The following MTAP variants were observed in gnomAD, a reference collection of about 807,000 sequenced individuals.
MTAP encodes the protein methylthioadenosine phosphorylase.
A neutral mutation model predicts 33.6 loss-of-function variants in MTAP; 33 were observed. That is an observed-to-expected ratio of 0.98 (90% CI 0.74 to 1.31). The LOEUF (loss-of-function observed/expected upper bound fraction) is 1.31, where lower values mean the gene tolerates loss of function less well. Among genes scored for constraint, MTAP ranks in the 40% most tolerant of loss-of-function variants. The pLI is 0.00. For synonymous variants in MTAP, 148 were observed against 125.7 expected (o/e 1.18, Z -1.19); for missense variants, 367 against 360.0 (o/e 1.02, Z -0.16).
intron 1 of MTAP, chr9:21,892,872 G>T (rs1818223126): frequency 6.6e-6 from 1 of 152,080 alleles, no homozygotes; most frequent in Non-Finnish European, 1.5e-5. Context: ...ACCACATCTT[G>T]ACCATAAAGC....
chr9:21,872,172 G>C (rs763534893), intron 1 of MTAP, among the ~76,000 whole-genome samples: 5 of 152,134 alleles, frequency 3.3e-5, no homozygotes, highest in African/African-American at 9.7e-5. Flanking sequence ...AATTAAACAG[G>C]CATGATGGTA....
Position 21,866,241 on chromosome 9 carries a change from T to G in MTAP, c.*4227T>G, listed in dbSNP as rs1825851272. On this transcript the variant is annotated 3_prime_UTR_variant, in exon 8 of 8. Transcript: ENST00000644715. ...TATTAAAAAATTAGATTGTTTTGTTTTATTATTGAATAGTAAGAATTGTTT... is the reference window on the plus strand; with the variant it reads ...TATTAAAAAATTAGATTGTTTTGTTGTATTATTGAATAGTAAGAATTGTTT... 6.6e-6 allele frequency: 1 copy of G among 152,234 alleles called. No homozygotes were observed. Among genetic ancestry groups the G allele is most frequent in the Non-Finnish European group, 1.5e-5 (1 of 68,036 alleles). 9.4% of individuals were successfully genotyped at this position (152,234 alleles called of 1,614,324 possible).
At chr9:21,929,448 G>A (rs891831086) in intron 1 of MTAP, 1 of 175,228 alleles carries the variant, frequency 5.7e-6, no homozygotes, top group African/African-American at 2.3e-5. Context: ...AATCACCTTA[G>A]GTCACCATGG....
At chr9:21,843,411 G>A (rs1381306105) in intron 5 of MTAP, among the ~76,000 whole-genome samples, 1 of 151,988 alleles carries the variant, frequency 6.6e-6, no homozygotes, top group Non-Finnish European at 1.5e-5. Context: ...TAGAACAAAT[G>A]GACTTAACAA....
At chr9:21,850,744 C>T (rs1437498296) in intron 5 of MTAP, among the ~76,000 whole-genome samples, 1 of 152,178 alleles carries the variant, frequency 6.6e-6, no homozygotes, top group Non-Finnish European at 1.5e-5. Context: ...CACCATGCGA[C>T]CTGAACTGCC....
At chr9:21,832,173 G>C (rs1263937157) in intron 4 of MTAP, among the ~76,000 whole-genome samples, 1 of 152,186 alleles carries the variant, frequency 6.6e-6, no homozygotes, top group Admixed American at 6.5e-5. Context: ...TACTCATCAG[G>C]AAAGTCCCGC....
downstream of MTAP, chr9:21,931,284 C>T (rs1296046531): frequency 3.4e-6 from 2 of 584,470 alleles, no homozygotes; most frequent in African/African-American, 3.7e-5. Flanking sequence ...CATCCAGTTT[C>T]CCAAAGAATT....
At chr9:21,911,129 A>G (rs1174822943) in intron 1 of MTAP, among the ~76,000 whole-genome samples, 1 of 152,204 alleles carries the variant, frequency 6.6e-6, no homozygotes, top group Non-Finnish European at 1.5e-5. Flanking sequence ...AGATTCATAA[A>G]GCAAGTCCTT....
intron 3 of MTAP, among the ~76,000 whole-genome samples, chr9:21,817,565 G>A (rs886502267): frequency 3.3e-5 from 5 of 152,060 alleles, no homozygotes; most frequent in Non-Finnish European, 7.4e-5. Flanking sequence ...TGCTCCACAG[G>A]CTGTTCACTT....
At chr9:21,837,132 T>A (rs1468387709) in intron 4 of MTAP, among the ~76,000 whole-genome samples, 2 of 132,910 alleles carry the variant, frequency 1.5e-5, no homozygotes, top group East Asian at 4.7e-4. Flanking sequence ...GCCTCTCTTA[T>A]GGATTCAAAA....
chr9:21,854,095 A>G (rs901234864), intron 5 of MTAP, among the ~76,000 whole-genome samples: 1 of 152,234 alleles, frequency 6.6e-6, no homozygotes, highest in African/African-American at 2.4e-5. Context: ...TGGAAAGGCA[A>G]TAGGCAAAAG....
At chr9:21,824,316 T>G (rs1021450758) in intron 4 of MTAP, among the ~76,000 whole-genome samples, 27 of 152,204 alleles carry the variant, frequency 1.8e-4, no homozygotes, top group Non-Finnish European at 3.5e-4. Context: ...GTTTTCCTTC[T>G]AACAGTCAGG....
intron 1 of MTAP, among the ~76,000 whole-genome samples, chr9:21,874,126 G>A (rs1169994446): frequency 6.6e-6 from 1 of 152,164 alleles, no homozygotes. Flanking sequence ...AAAGCAGTAA[G>A]TAATAGGAAA....
rs1394573016 is a variant in MTAP, at chr9:21,864,895, A to G, written c.*2881A>G. 8 of 985,264 alleles carry G rather than the reference A, an allele frequency of 8.1e-6. No individual in the cohort carries two copies. Among genetic ancestry groups the G allele is most frequent in the Admixed American group, 6.2e-5 (1 of 16,256 alleles). 61.0% of individuals were successfully genotyped at this position (985,264 alleles called of 1,614,324 possible). A position where few individuals can be genotyped will look rare whatever the true frequency, so the allele number is the denominator to read the frequency against. On this transcript the variant is annotated 3_prime_UTR_variant, in exon 8 of 8. Coordinates refer to ENST00000644715, the MANE Select transcript of MTAP (RefSeq NM_002451.4). ...CATGGTTGTGGCCCCACCAACACCT[A>G]TTTTCCAAATAATTATTCATTCTTG... is the stretch of plus-strand genomic sequence containing the variant.
At chr9:21,827,665 G>A (rs947007313) in intron 4 of MTAP, among the ~76,000 whole-genome samples, 2 of 152,146 alleles carry the variant, frequency 1.3e-5, no homozygotes, top group East Asian at 3.8e-4. Flanking sequence ...TTTCTGCCCA[G>A]TTTGCACCAT....
intron 1 of MTAP, among the ~76,000 whole-genome samples, chr9:21,924,938 A>T (rs1818846089): frequency 6.6e-6 from 1 of 152,334 alleles, no homozygotes; most frequent in Admixed American, 6.5e-5. Context: ...ACTTGGAGGG[A>T]TCTCTCAGTC....
chr9:21,851,159 T>C (rs1825501270), intron 5 of MTAP, among the ~76,000 whole-genome samples: 1 of 152,114 alleles, frequency 6.6e-6, no homozygotes, highest in African/African-American at 2.4e-5. Flanking sequence ...TGACCCAGAC[T>C]CTTCAGGAAT....
chr9:21,930,897 C>T, intron 1 of MTAP: 1 of 639,520 alleles, frequency 1.6e-6, no homozygotes, highest in Middle Eastern at 2.5e-4. Context: ...ATGGGATCTT[C>T]CCTGGGTTCT....
chr9:21,818,018 C>T lies in MTAP; in HGVS notation c.180-17C>T. 6.3e-7 allele frequency: 1 copy of T among 1,599,690 alleles called. No individual in the cohort carries two copies. Among genetic ancestry groups the T allele is most frequent in the Non-Finnish European group, 8.5e-7 (1 of 1,174,894 alleles). On this transcript the variant is annotated splice_polypyrimidine_tract_variant and intron_variant, in intron 3 of 7. Transcript: ENST00000644715. ...TGTACTCATCACGGGTTAACAATTTCTTCTCTCCTTCCATAGGCATGGAAG... is the reference window on the plus strand; with the variant it reads ...TGTACTCATCACGGGTTAACAATTTTTTCTCTCCTTCCATAGGCATGGAAG...
Sources: gnomAD v4.1 joint callset for allele counts (sites outside exome capture counted in the v4.1 genomes callset) on GRCh38, gnomAD v4.1.1 for gene constraint, MANE v1.5 for transcripts, NCBI Gene and HGNC (gene_info 2026-07-23, HGNC 2026-07-21) for gene names.